NUP210L: variants seen among roughly 807,000 people sequenced by gnomAD.
The protein encoded by NUP210L is nucleoporin 210 like, also known as nuclear pore membrane glycoprotein 210-like.
In NUP210L, 74 loss-of-function variants were observed where a neutral mutation model predicts 208.5. That is an observed-to-expected ratio of 0.35 (90% CI 0.29 to 0.43). The LOEUF is 0.43. NUP210L is among the 20% of genes least tolerant of loss of function. The pLI is 1.00. For missense variants in NUP210L, 1,843 were observed against 2,289.4 expected (o/e 0.81, Z 3.98); for synonymous variants, 780 against 816.9 (o/e 0.95, Z 0.77).
At chr1:154,084,460 C>G (rs1009952248) in intron 16 of NUP210L, among the ~76,000 whole-genome samples, 1 of 151,940 alleles carries the variant, frequency 6.6e-6, no homozygotes, top group Admixed American at 6.6e-5. Flanking sequence ...GATCCTCCCA[C>G]GTCAGCCTCC....
intron 15 of NUP210L, 101 bp from the exon 16 acceptor site, chr1:154,089,695 AG>A: frequency 1.1e-6 from 1 of 926,934 alleles, no homozygotes; most frequent in African/African-American, 1.6e-5. Flanking sequence ...CAGTATAGAG[AG>A]TCCCTTTCAC....
chr1:154,138,305 T>G, intron 5 of NUP210L, 67 bp from the exon 6 acceptor site: 1 of 1,394,806 alleles, frequency 7.2e-7, no homozygotes, highest in South Asian at 1.5e-5. Context: ...GTCATCTTTC[T>G]TGTTAAAAGC....
intron 27 of NUP210L, among the ~76,000 whole-genome samples, chr1:154,032,568 T>C (rs1312410101): frequency 6.6e-6 from 1 of 151,154 alleles, no homozygotes; most frequent in African/African-American, 2.4e-5. Flanking sequence ...TGGTGTGATC[T>C]TGGCTCACTG....
intron 35 of NUP210L, among the ~76,000 whole-genome samples, chr1:154,002,216 C>T (rs1255230075): frequency 6.6e-6 from 1 of 151,958 alleles, no homozygotes; most frequent in Non-Finnish European, 1.5e-5. Flanking sequence ...CTGAGAATAC[C>T]ATTCTTTCTT....
intron 34 of NUP210L, among the ~76,000 whole-genome samples, chr1:154,010,544 G>GTT (rs1347077827): frequency 2.6e-5 from 4 of 151,954 alleles, no homozygotes. Flanking sequence ...TGGCGTCAGT[G>GTT]GGAGTAAGAT....
intron 12 of NUP210L, among the ~76,000 whole-genome samples, chr1:154,107,805 G>T (rs992128002): frequency 6.6e-6 from 1 of 152,120 alleles, no homozygotes; most frequent in South Asian, 2.1e-4. Flanking sequence ...GGTGGAGGTT[G>T]CAGTGAGCAG....
chr1:154,101,736 AT>A (rs773992608), intron 13 of NUP210L, among the ~76,000 whole-genome samples: 14 of 152,232 alleles, frequency 9.2e-5, no homozygotes, highest in Admixed American at 2.6e-4. Context: ...TAGAAAGATT[AT>A]TTCAAGCTGG....
At chr1:154,094,335 G>A (rs1387757216) in intron 15 of NUP210L, among the ~76,000 whole-genome samples, 1 of 152,078 alleles carries the variant, frequency 6.6e-6, no homozygotes, top group Admixed American at 6.6e-5. Context: ...GTGTGTGCCT[G>A]TAATCCCAGC....
At chr1:154,042,900 C>T (rs547467107) in intron 27 of NUP210L, among the ~76,000 whole-genome samples, 7 of 148,100 alleles carry the variant, frequency 4.7e-5, no homozygotes, top group Non-Finnish European at 7.5e-5. Flanking sequence ...TTGGTAGAGA[C>T]GGGGTTTCGC....
intron 10 of NUP210L, among the ~76,000 whole-genome samples, chr1:154,124,254 A>ACTGGCATT (rs1315401109): frequency 6.6e-6 from 1 of 150,502 alleles, no homozygotes; most frequent in Non-Finnish European, 1.5e-5. Context: ...AAAAGATTTG[A>ACTGGCATT]CTGGCATTTA....
chr1:154,091,496 CTTTTCTTTTT>C (rs1655907809), intron 15 of NUP210L, among the ~76,000 whole-genome samples: 1 of 143,418 alleles, frequency 7.0e-6, no homozygotes, highest in Admixed American at 7.0e-5. Flanking sequence ...CTTTTCTTTT[CTTTTCTTTTT>C]TTTTTTTTTT....
At chr1:154,009,288 A>ATT (rs1418479499) in intron 35 of NUP210L, among the ~76,000 whole-genome samples, 1 of 152,076 alleles carries the variant, frequency 6.6e-6, no homozygotes, top group African/African-American at 2.4e-5. Flanking sequence ...CATCATGCCT[A>ATT]TTTCCACTTT....
intron 2 of NUP210L, among the ~76,000 whole-genome samples, chr1:154,148,144 G>A (rs1659211391): frequency 1.3e-5 from 2 of 151,498 alleles, no homozygotes; most frequent in African/African-American, 4.8e-5. Context: ...GTGCGTGCCT[G>A]TAATCCCAGC....
intron 35 of NUP210L, among the ~76,000 whole-genome samples, chr1:154,009,624 TAAAAAAA>T (rs35760411): frequency 1.8e-5 from 1 of 55,430 alleles, no homozygotes; most frequent in African/African-American, 6.9e-5. Flanking sequence ...ACGTTGCTCT[TAAAAAAA>T]AAAAAAAAAA....
chr1:154,020,110 C>T (rs1303282335), intron 32 of NUP210L, among the ~76,000 whole-genome samples: 1 of 152,206 alleles, frequency 6.6e-6, no homozygotes, highest in African/African-American at 2.4e-5. Context: ...TTGGGGGATT[C>T]AGCTGTATAG....
At chr1:154,117,334 A>C (rs1465779002) in intron 12 of NUP210L, among the ~76,000 whole-genome samples, 1 of 152,190 alleles carries the variant, frequency 6.6e-6, no homozygotes, top group Non-Finnish European at 1.5e-5. Flanking sequence ...TAATCCCAGC[A>C]CTTTGGGAGG....
At chr1:154,010,057 C>T (rs1316527013) in exon 35 of NUP210L, 2 of 1,613,918 alleles carry the variant, frequency 1.2e-6, no homozygotes, top group East Asian at 2.2e-5. Flanking sequence ...GTACATGGCA[C>T]AGCATGAGGG....
At position 154,025,638 on chromosome 1, in the gene NUP210L, C is replaced by T. The variant is rs773013042; in HGVS notation, c.4026G>A (p.Gly1342=). 3 of 1,613,818 alleles carry T rather than the reference C, an allele frequency of 1.9e-6. No individual in the cohort carries two copies. The South Asian group carries it at 3.3e-5, about 18-fold the overall frequency. The change falls in exon 30 of 40, where the codon GGG becomes GGA. Residue 1342 remains glycine, a synonymous_variant. Transcript: ENST00000368559. ...CTGCAATGGAACCAGCTTTCAGGAG[C>T]CCTTCACCATCCTCCTCAATGACGG... is the stretch of plus-strand genomic sequence containing the variant.
intron 15 of NUP210L, among the ~76,000 whole-genome samples, chr1:154,092,242 A>AT (rs1343312397): frequency 5.7e-4 from 76 of 133,140 alleles, no homozygotes; most frequent in Non-Finnish European, 7.0e-4. Flanking sequence ...CGCCTGGCTA[A>AT]TTTTTTTTTT....
Sources: gnomAD v4.1 joint callset for allele counts (sites outside exome capture counted in the v4.1 genomes callset) on GRCh38, gnomAD v4.1.1 for gene constraint, MANE v1.5 for transcripts, NCBI Gene and HGNC (gene_info 2026-07-23, HGNC 2026-07-21) for gene names.